Variants in PTPRN2 observed in about 807,000 individuals in gnomAD.
PTPRN2 encodes receptor-type tyrosine-protein phosphatase N2.
PTPRN2 carries 74 observed loss-of-function variants against 118.8 expected under a neutral mutation model. That is an observed-to-expected ratio of 0.62 (90% CI 0.52 to 0.76). The LOEUF (loss-of-function observed/expected upper bound fraction) is 0.76, where lower values mean the gene tolerates loss of function less well. PTPRN2 is among the 30% of genes least tolerant of loss of function. The pLI, the probability that PTPRN2 is intolerant of heterozygous loss-of-function variation, is 0.00. For missense variants in PTPRN2, 1,481 were observed against 1,394.4 expected (o/e 1.06, Z -0.99); for synonymous variants, 641 against 608.0 (o/e 1.05, Z -0.80).
chr7:158,280,571 G>C lies in PTPRN2; in HGVS notation c.277+36248C>G, dbSNP rs972271253. Among the ~76,000 whole-genome samples the C allele has an allele frequency of 2.0e-5, 3 of 152,220 alleles. No homozygotes were observed. In the South Asian group the frequency reaches 6.2e-4, roughly 32 times the overall value. On this transcript the variant is annotated intron_variant, in intron 3 of 22. Coordinates refer to ENST00000389418, the MANE Select transcript of PTPRN2 (RefSeq NM_002847.5). ...TTTCATAGCAGCCCTGAGATACCGG[G>C]TGGAGAGGGCAGATGGAGAGAGAAC...
Position 158,587,652 on chromosome 7 carries a change from C to T in PTPRN2, c.18G>A (p.Pro6=). Residue 6 remains proline, a synonymous_variant, in exon 1 of 23, where the codon CCG becomes CCA. Transcript: ENST00000389418. MGPPL[P]LLLLLLLLLP... is the part of the protein sequence containing the mutation. ...GCAGCAGCAGTAGCAGCAGCAGCAG[C>T]GGGAGCGGCGGCCCCATCCCCGCGG... 1 of 1,355,812 alleles carries T rather than the reference C, an allele frequency of 7.4e-7. No individual in the cohort carries two copies. The highest frequency in any genetic ancestry group is 9.5e-7 in the Non-Finnish European group (1 of 1,056,400). The allele number at this position is 1,355,812 out of a possible 1,614,324, so 84.0% of individuals were successfully genotyped here. A position where few individuals can be genotyped will look rare whatever the true frequency, so the allele number is the denominator to read the frequency against.
At chr7:158,468,766 AC>A (rs1418090634) in intron 2 of PTPRN2, among the ~76,000 whole-genome samples, 2 of 149,366 alleles carry the variant, frequency 1.3e-5, no homozygotes, top group African/African-American at 2.5e-5. Flanking sequence ...AGGCATGCAC[AC>A]CCCCCACCCA....
chr7:158,504,800 C>T (rs573597447), intron 1 of PTPRN2, among the ~76,000 whole-genome samples: 136 of 152,346 alleles, frequency 8.9e-4, no homozygotes, highest in Non-Finnish European at 1.3e-3. Flanking sequence ...AGAAACTTTA[C>T]ATTGTTTCCA....
Position 157,590,741 on chromosome 7 carries a change from C to T in PTPRN2, c.2496+4497G>A, listed in dbSNP as rs963331383. Among the ~76,000 whole-genome samples the T allele has an allele frequency of 6.6e-6, 1 of 152,098 alleles. No individual in the cohort carries two copies. Among genetic ancestry groups the T allele is most frequent in the African/African-American group, 2.4e-5 (1 of 41,430 alleles). ...CGATGCCCCATGCTCACCGAGGGGA[C>T]TTCCCCTGAACCCGTCTTCCAGGCT... On this transcript the variant is annotated intron_variant, in intron 17 of 22. Transcript: ENST00000389418. The surrounding 1 kb of genome is among the most constrained non-coding windows in gnomAD (Gnocchi z 4.0).
intron 12 of PTPRN2, among the ~76,000 whole-genome samples, chr7:157,842,410 CTTTT>C (rs11316558): frequency 2.8e-4 from 26 of 93,278 alleles, no homozygotes; most frequent in East Asian, 1.2e-3. Flanking sequence ...ATTCAGGAGA[CTTTT>C]TTTTTTTTTT....
intron 15 of PTPRN2, among the ~76,000 whole-genome samples, chr7:157,612,979 C>G (rs938080721): frequency 6.6e-6 from 1 of 152,130 alleles, no homozygotes; most frequent in Non-Finnish European, 1.5e-5. Context: ...ACAGCAGCTC[C>G]GGAGGGTTGA....
intron 3 of PTPRN2, among the ~76,000 whole-genome samples, chr7:158,232,150 C>T (rs74415494): frequency 2.0e-5 from 3 of 151,820 alleles, no homozygotes; most frequent in Middle Eastern, 3.4e-3. Context: ...ATAAAATATA[C>T]AGAAAAATCA....
chr7:157,767,385 G>A (rs938921925), intron 12 of PTPRN2, among the ~76,000 whole-genome samples: 1 of 152,192 alleles, frequency 6.6e-6, no homozygotes, highest in Non-Finnish European at 1.5e-5. Flanking sequence ...TGTTATCTGT[G>A]TTCTTAGGAT....
At chr7:158,146,259 C>A (rs575634924) in intron 6 of PTPRN2, among the ~76,000 whole-genome samples, 3 of 152,120 alleles carry the variant, frequency 2.0e-5, no homozygotes, top group Non-Finnish European at 4.4e-5. Flanking sequence ...AAACTATTTT[C>A]TGCCAAAATA....
At chr7:158,213,137 C>T (rs1827721436) in intron 3 of PTPRN2, among the ~76,000 whole-genome samples, 1 of 151,662 alleles carries the variant, frequency 6.6e-6, no homozygotes, top group Non-Finnish European at 1.5e-5. Context: ...CATGTAATTA[C>T]AGAGATATAT....
At chr7:157,912,419 C>T (rs1395189439) in intron 11 of PTPRN2, among the ~76,000 whole-genome samples, 1 of 152,124 alleles carries the variant, frequency 6.6e-6, no homozygotes, top group African/African-American at 2.4e-5. Flanking sequence ...GATACCAAAA[C>T]TTTGTCAGTT....
chr7:158,160,301 C>T (rs1021618794), intron 6 of PTPRN2, among the ~76,000 whole-genome samples: 10 of 152,082 alleles, frequency 6.6e-5, no homozygotes, highest in Non-Finnish European at 2.9e-5. Flanking sequence ...GGTGGGCGGG[C>T]ACTGTCCAAA....
intron 11 of PTPRN2, among the ~76,000 whole-genome samples, chr7:158,065,497 C>T (rs148473861): frequency 1.7e-3 from 265 of 152,340 alleles, no homozygotes; most frequent in African/African-American, 5.8e-3. Context: ...AGCCAAGTCT[C>T]AGGTCAGTGC....
intron 14 of PTPRN2, among the ~76,000 whole-genome samples, chr7:157,638,319 C>T (rs1432096263): frequency 1.3e-5 from 2 of 151,882 alleles, no homozygotes; most frequent in Admixed American, 6.6e-5. Flanking sequence ...AGTCTATGTG[C>T]GAGACAAAGT....
At chr7:158,403,275 AAG>A (rs1352063476) in intron 2 of PTPRN2, among the ~76,000 whole-genome samples, 2 of 152,264 alleles carry the variant, frequency 1.3e-5, no homozygotes, top group Non-Finnish European at 2.9e-5. Context: ...AGCCAAGTGA[AAG>A]ACACAAACGC....
chr7:158,417,982 A>T, intron 2 of PTPRN2, among the ~76,000 whole-genome samples: 1 of 114,410 alleles, frequency 8.7e-6, no homozygotes, highest in African/African-American at 3.4e-5. Flanking sequence ...TCAGTGTCCC[A>T]CTGTGTTAAG....
At chr7:158,312,840 A>G (rs909497857) in intron 3 of PTPRN2, among the ~76,000 whole-genome samples, 1 of 149,932 alleles carries the variant, frequency 6.7e-6, no homozygotes, top group African/African-American at 2.5e-5. Flanking sequence ...ACACGTGAGC[A>G]TGGGTGTGTG....
chr7:157,819,016 C>A (rs1806620354), intron 12 of PTPRN2, among the ~76,000 whole-genome samples: 1 of 152,140 alleles, frequency 6.6e-6, no homozygotes. Flanking sequence ...AGCCTCCTCT[C>A]AGGACAGAGG....
Position 157,912,376 on chromosome 7 carries a change from T to A in PTPRN2, c.1724-13639A>T, listed in dbSNP as rs75068990. On this transcript the variant is annotated intron_variant, in intron 11 of 22. Coordinates refer to ENST00000389418, the MANE Select transcript of PTPRN2 (RefSeq NM_002847.5). Reference sequence around the variant, plus strand: ...TTCTACTGGGTTATTTGTCTTTTTCTTACTGCTTTGTAGAAGTTCTTCAAA... The same window carrying A: ...TTCTACTGGGTTATTTGTCTTTTTCATACTGCTTTGTAGAAGTTCTTCAAA... 0.011 allele frequency among the ~76,000 whole-genome samples: 1,695 copies of A among 152,360 alleles called. 144 individuals are homozygous for A. In the East Asian group the frequency reaches 0.23, roughly 21 times the overall value.
Sources: gnomAD v4.1 joint callset for allele counts (sites outside exome capture counted in the v4.1 genomes callset) on GRCh38, gnomAD v4.1.1 for gene constraint, Gnocchi (gnomAD v3.1) non-coding constraint, MANE v1.5 for transcripts, NCBI Gene and HGNC (gene_info 2026-07-23, HGNC 2026-07-21) for gene names.